Variants in RALGAPA1 observed in about 807,000 individuals in gnomAD.
RALGAPA1 encodes the protein Ral GTPase activating protein catalytic subunit alpha 1.
Under a neutral mutation model 269.6 loss-of-function variants are expected in RALGAPA1, and 52 were observed. That is an observed-to-expected ratio of 0.19 (90% CI 0.15 to 0.24). The LOEUF (loss-of-function observed/expected upper bound fraction) is 0.24, where lower values mean the gene tolerates loss of function less well. Among genes scored for constraint, RALGAPA1 ranks in the 10% least tolerant of loss-of-function variants. The pLI is 1.00. For missense variants in RALGAPA1, 1,917 were observed against 3,013.9 expected (o/e 0.64, Z 8.52); for synonymous variants, 817 against 1,008.3 (o/e 0.81, Z 3.60).
At chr14:35,624,114 G>A (rs763636163) in intron 35 of RALGAPA1, among the ~76,000 whole-genome samples, 1 of 105,906 alleles carries the variant, frequency 9.4e-6, no homozygotes, top group Non-Finnish European at 1.8e-5. Flanking sequence ...TCTTTGAAGA[G>A]TATCTAAATG....
intron 17 of RALGAPA1, among the ~76,000 whole-genome samples, chr14:35,690,227 T>C (rs1049558566): frequency 6.6e-6 from 1 of 152,200 alleles, no homozygotes; most frequent in Non-Finnish European, 1.5e-5. Context: ...AAACACATTT[T>C]AAAATGTTAA....
chr14:35,554,892 G>T (rs1425554444), intron 39 of RALGAPA1, among the ~76,000 whole-genome samples: 2 of 152,178 alleles, frequency 1.3e-5, no homozygotes, highest in Non-Finnish European at 1.5e-5. Flanking sequence ...TTCAATGACT[G>T]TTTACAACTT....
At position 35,563,020 on chromosome 14, in the gene RALGAPA1, C is replaced by CAAAAAAAAAAAAA. The variant is rs71445944; in HGVS notation, c.7496+7584_7496+7596dup. On this transcript the variant is annotated intron_variant, in intron 39 of 41. Transcript: ENST00000680220. ...TGGGCAACAGAGCGAGAGTCCGTCTCAAAAAAAAAAAAAAAAAAAAAAAAA... is the reference window on the plus strand; with the variant it reads ...TGGGCAACAGAGCGAGAGTCCGTCTCAAAAAAAAAAAAAAAAAAAAAAAAAAAAAAAAAAAAAA... Among the ~76,000 whole-genome samples, 24 of 37,256 alleles carry CAAAAAAAAAAAAA rather than the reference C, an allele frequency of 6.4e-4. 3 individuals carry two copies. The South Asian group carries it at 0.013, about 19-fold the overall frequency. 24.4% of individuals were successfully genotyped at this position (37,256 alleles called of 152,430 possible).
chr14:35,556,607 TTAG>T (rs2055627929), intron 39 of RALGAPA1, among the ~76,000 whole-genome samples: 1 of 152,260 alleles, frequency 6.6e-6, no homozygotes, highest in South Asian at 2.1e-4. Flanking sequence ...ATGAAATTCT[TTAG>T]TAGTTGATAC....
intron 4 of RALGAPA1, among the ~76,000 whole-genome samples, chr14:35,767,945 T>C (rs1295375151): frequency 6.6e-6 from 1 of 152,112 alleles, no homozygotes; most frequent in East Asian, 1.9e-4. Context: ...TGGATAATTT[T>C]TGTATTTTTT....
intron 35 of RALGAPA1, among the ~76,000 whole-genome samples, chr14:35,618,729 T>C (rs1371714043): frequency 6.6e-6 from 1 of 151,938 alleles, no homozygotes; most frequent in Non-Finnish European, 1.5e-5. Context: ...TTAAAATCAA[T>C]AAGAGAATTC....
chr14:35,807,091 A>C (rs1030754317), intron 1 of RALGAPA1, among the ~76,000 whole-genome samples: 7 of 152,230 alleles, frequency 4.6e-5, no homozygotes, highest in African/African-American at 1.7e-4. Context: ...TAACCAGTCT[A>C]TAAATAAAGT....
At chr14:35,705,872 T>C (rs1595228982) in intron 16 of RALGAPA1, among the ~76,000 whole-genome samples, 1 of 152,220 alleles carries the variant, frequency 6.6e-6, no homozygotes, top group African/African-American at 2.4e-5. Flanking sequence ...TGGTATCTTG[T>C]CTTAATTTGC....
chr14:35,798,285 A>G (rs1046735115), intron 1 of RALGAPA1, among the ~76,000 whole-genome samples: 1 of 150,552 alleles, frequency 6.6e-6, no homozygotes, highest in African/African-American at 2.4e-5. Flanking sequence ...AAGCAATCTC[A>G]TCATCTCAGC....
intron 16 of RALGAPA1, among the ~76,000 whole-genome samples, chr14:35,720,207 C>T (rs2069264450): frequency 6.6e-6 from 1 of 151,970 alleles, no homozygotes. Context: ...TAACTTTTTC[C>T]CTTATATCTT....
intron 3 of RALGAPA1, among the ~76,000 whole-genome samples, chr14:35,771,936 CTATCT>C (rs1361185167): frequency 1.3e-5 from 2 of 152,172 alleles, no homozygotes; most frequent in Admixed American, 1.3e-4. Context: ...GTTCTTTCTC[CTATCT>C]TGATAATCCT....
intron 31 of RALGAPA1, among the ~76,000 whole-genome samples, chr14:35,644,724 G>C (rs765211062): frequency 6.6e-6 from 1 of 152,128 alleles, no homozygotes; most frequent in Non-Finnish European, 1.5e-5. Context: ...ACTGAATCTC[G>C]TGGTGTTGGA....
chr14:35,765,481 T>C (rs1345333801), intron 4 of RALGAPA1, among the ~76,000 whole-genome samples: 2 of 152,152 alleles, frequency 1.3e-5, no homozygotes, highest in South Asian at 2.1e-4. Context: ...TTGTGTGATA[T>C]TGATATTTAT....
chr14:35,588,678 C>T (rs1302741333), intron 37 of RALGAPA1, among the ~76,000 whole-genome samples: 4 of 152,210 alleles, frequency 2.6e-5, no homozygotes, highest in Non-Finnish European at 4.4e-5. Context: ...ACAGGCATTA[C>T]GGAAAACAGT....
chr14:35,595,493 A>G (rs762462867), intron 37 of RALGAPA1, 141 bp downstream of exon 37: 59 of 714,474 alleles, frequency 8.3e-5, no homozygotes, highest in Non-Finnish European at 1.4e-4. Context: ...CAACCACCCT[A>G]TTTTCAAGAC....
At chr14:35,786,706 A>G (rs1363603336) in intron 1 of RALGAPA1, among the ~76,000 whole-genome samples, 1 of 152,124 alleles carries the variant, frequency 6.6e-6, no homozygotes, top group Non-Finnish European at 1.5e-5. Context: ...GTTCTTTTCT[A>G]TTTACCTTGC....
chr14:35,611,863 A>G (rs1339563160), intron 35 of RALGAPA1, among the ~76,000 whole-genome samples: 3 of 152,228 alleles, frequency 2.0e-5, no homozygotes, highest in Admixed American at 6.5e-5. Context: ...GAATTGGAGA[A>G]CTCATACTTC....
At chr14:35,581,572 A>C (rs1278718897) in intron 37 of RALGAPA1, among the ~76,000 whole-genome samples, 1 of 152,190 alleles carries the variant, frequency 6.6e-6, no homozygotes, top group Admixed American at 6.5e-5. Flanking sequence ...TTACTACTAG[A>C]GAAAATAAGA....
chr14:35,541,342 G>A (rs1344643388), intron 41 of RALGAPA1, among the ~76,000 whole-genome samples: 1 of 151,958 alleles, frequency 6.6e-6, no homozygotes, highest in Non-Finnish European at 1.5e-5. Context: ...ACCGCACCCG[G>A]CCTTCAAAAA....
Sources: allele counts gnomAD v4.1 joint callset (sites outside exome capture counted in the v4.1 genomes callset), GRCh38; gene constraint gnomAD v4.1.1; transcripts MANE v1.5; gene names NCBI Gene and HGNC (gene_info 2026-07-23, HGNC 2026-07-21).